ATP7B: variants seen among roughly 807,000 people sequenced by gnomAD.
ATP7B encodes copper-transporting ATPase 2.
Under a neutral mutation model 118.9 loss-of-function variants are expected in ATP7B, and 113 were observed. The ratio of observed to expected loss-of-function variants is 0.95; its 90% CI spans 0.82 to 1.11. The LOEUF (loss-of-function observed/expected upper bound fraction) is 1.11. Ranked by LOEUF, ATP7B falls within the 50% of genes most tolerant of loss-of-function variation. ATP7B has a pLI of 0.00. For missense variants in ATP7B, 1,867 were observed against 1,871.4 expected (o/e 1.00, Z 0.04); for synonymous variants, 777 against 727.4 (o/e 1.07, Z -1.10).
chr13:51,962,020 A>G, intron 5 of ATP7B, 107 bp from the exon 6 acceptor site: 3 of 918,160 alleles, frequency 3.3e-6, no homozygotes, highest in Non-Finnish European at 5.2e-6. Context: ...AGTGAATCTA[A>G]AAGTGCCTCA....
intron 1 of ATP7B, among the ~76,000 whole-genome samples, chr13:52,005,190 T>C (rs944303893): frequency 7.2e-5 from 11 of 152,210 alleles, no homozygotes; most frequent in Non-Finnish European, 1.5e-4. Flanking sequence ...CCCAGCAGCC[T>C]TTTTATTCTT....
At chr13:51,995,285 CT>C in intron 1 of ATP7B, 3 of 985,168 alleles carry the variant, frequency 3.0e-6, no homozygotes, top group Non-Finnish European at 3.6e-6. Context: ...CCCTTCCAGG[CT>C]TTTTAGCCCA....
At chr13:52,001,308 A>T (rs991954514) in intron 1 of ATP7B, among the ~76,000 whole-genome samples, 2 of 152,170 alleles carry the variant, frequency 1.3e-5, no homozygotes, top group Non-Finnish European at 2.9e-5. Context: ...ACAAGATGTC[A>T]TTCCTCTAAA....
At chr13:51,985,846 A>G (rs1037796332) in intron 1 of ATP7B, among the ~76,000 whole-genome samples, 3 of 152,220 alleles carry the variant, frequency 2.0e-5, no homozygotes, top group African/African-American at 7.2e-5. Context: ...TAAGGCAGAA[A>G]TAAGTTCTTT....
At position 51,955,029 on chromosome 13, in the gene ATP7B, C is replaced by A. The variant is rs115569537; in HGVS notation, c.2447+2487G>T. Among the ~76,000 whole-genome samples, 995 of 152,252 alleles carry A rather than the reference C, an allele frequency of 6.5e-3. 11 individuals carry two copies. Among genetic ancestry groups the A allele is most frequent in the African/African-American group, 0.022 (893 of 41,534 alleles). On this transcript the variant is annotated intron_variant, in intron 9 of 20. Coordinates refer to ENST00000242839, the MANE Select transcript of ATP7B (RefSeq NM_000053.4). ...GGAAACTACAGTGTGCCAGACGGAT[C>A]GCACCTAGAAACGCTGCCAGCACCC...
At chr13:52,009,907 C>T (rs1953942195) in intron 1 of ATP7B, among the ~76,000 whole-genome samples, 2 of 152,064 alleles carry the variant, frequency 1.3e-5, no homozygotes, top group South Asian at 2.1e-4. Flanking sequence ...GAGGATTAAA[C>T]GCGAGAGTGC....
chr13:51,972,057 G>A (rs897769523), intron 2 of ATP7B, among the ~76,000 whole-genome samples: 1 of 152,022 alleles, frequency 6.6e-6, no homozygotes. Context: ...GGACCTAATC[G>A]GTTACAACAC....
chr13:51,982,947 A>G (rs1446934739), intron 1 of ATP7B, among the ~76,000 whole-genome samples: 1 of 152,116 alleles, frequency 6.6e-6, no homozygotes, highest in East Asian at 1.9e-4. Context: ...GGGTGCCTAC[A>G]CCACCAGGGC....
At chr13:51,980,351 G>A (rs949625219) in intron 1 of ATP7B, among the ~76,000 whole-genome samples, 8 of 152,084 alleles carry the variant, frequency 5.3e-5, no homozygotes, top group African/African-American at 1.9e-4. Context: ...GATGGTAGAC[G>A]TCAGGATGAG....
At chr13:51,935,122 A>G (rs1956882651) in intron 20 of ATP7B, 93 bp from the exon 21 acceptor site, 1 of 1,489,994 alleles carries the variant, frequency 6.7e-7, no homozygotes, top group South Asian at 1.2e-5. Context: ...TCCATCTTTT[A>G]ATAACATTCA....
intron 2 of ATP7B, among the ~76,000 whole-genome samples, chr13:51,972,770 C>T (rs746659028): frequency 2.6e-4 from 39 of 152,224 alleles, no homozygotes; most frequent in African/African-American, 8.2e-4. Flanking sequence ...GAGGCTGAGG[C>T]GGGAGGATTG....
intron 9 of ATP7B, among the ~76,000 whole-genome samples, chr13:51,956,512 AG>A (rs1187893815): frequency 1.3e-5 from 2 of 152,166 alleles, no homozygotes; most frequent in African/African-American, 4.8e-5. Flanking sequence ...CAACAGAGAA[AG>A]GTTCCCGGGT....
At chr13:51,950,476 T>G (rs994284492) in intron 9 of ATP7B, 77 bp from the exon 10 acceptor site, 1 of 1,591,682 alleles carries the variant, frequency 6.3e-7, no homozygotes, top group East Asian at 2.2e-5. Flanking sequence ...GCTGTTACAA[T>G]AGTTACACTG....
At chr13:51,987,203 T>G (rs1952698200) in intron 1 of ATP7B, among the ~76,000 whole-genome samples, 1 of 152,234 alleles carries the variant, frequency 6.6e-6, no homozygotes, top group Non-Finnish European at 1.5e-5. Context: ...CTTAAGCTGA[T>G]AAGCAATTTC....
At chr13:51,957,255 G>T (rs1363588087) in intron 9 of ATP7B, among the ~76,000 whole-genome samples, 5 of 151,986 alleles carry the variant, frequency 3.3e-5, no homozygotes, top group African/African-American at 1.2e-4. Context: ...GACCAACACT[G>T]GCCTTCCTCT....
At chr13:51,950,779 G>T (rs1957952224) in intron 9 of ATP7B, among the ~76,000 whole-genome samples, 1 of 152,094 alleles carries the variant, frequency 6.6e-6, no homozygotes, top group Non-Finnish European at 1.5e-5. Flanking sequence ...GGCTTCTCTG[G>T]GAAGGTAACA....
At chr13:51,942,294 A>G in intron 15 of ATP7B, 92 bp downstream of exon 15, 1 of 1,578,340 alleles carries the variant, frequency 6.3e-7, no homozygotes, top group Non-Finnish European at 8.6e-7. Context: ...CGTCTGCCGC[A>G]CAGCAGAGGC....
chr13:52,009,938 C>T (rs1953944386), intron 1 of ATP7B, among the ~76,000 whole-genome samples: 1 of 152,110 alleles, frequency 6.6e-6, no homozygotes, highest in African/African-American at 2.4e-5. Flanking sequence ...ATATGAGTGC[C>T]TAACACAATG....
chr13:51,983,193 TC>T (rs1952503048), intron 1 of ATP7B, among the ~76,000 whole-genome samples: 12 of 152,192 alleles, frequency 7.9e-5, no homozygotes, highest in Admixed American at 7.2e-4. Flanking sequence ...AGCACAACAG[TC>T]TGAAATCGAC....
Sources: gnomAD v4.1 joint callset for allele counts (sites outside exome capture counted in the v4.1 genomes callset) on GRCh38, gnomAD v4.1.1 for gene constraint, MANE v1.5 for transcripts, NCBI Gene and HGNC (gene_info 2026-07-23, HGNC 2026-07-21) for gene names.